Variants in SORCS3 observed in about 807,000 individuals in gnomAD.
SORCS3 encodes VPS10 domain-containing receptor SorCS3.
SORCS3 carries 57 observed loss-of-function variants against 146.3 expected under a neutral mutation model. The observed-to-expected ratio is 0.39, with a 90% CI of 0.31 to 0.49. The LOEUF (loss-of-function observed/expected upper bound fraction) is 0.49. Ranked by LOEUF, SORCS3 falls within the 20% of genes least tolerant of loss-of-function variation. The pLI is 0.92. For synonymous variants in SORCS3, 653 were observed against 618.5 expected (o/e 1.06, Z -0.83); for missense variants, 1,341 against 1,575.5 (o/e 0.85, Z 2.52).
At chr10:105,211,718 C>T (rs1235594955) in intron 17 of SORCS3, among the ~76,000 whole-genome samples, 1 of 152,180 alleles carries the variant, frequency 6.6e-6, no homozygotes, top group African/African-American at 2.4e-5. Context: ...CAGGAATTCT[C>T]AAATGACGTG....
chr10:104,907,361 T>A (rs2133594246), intron 2 of SORCS3, among the ~76,000 whole-genome samples: 1 of 152,296 alleles, frequency 6.6e-6, no homozygotes, highest in Non-Finnish European at 1.5e-5. Flanking sequence ...TTTTAAAACC[T>A]AAATATAACA....
chr10:105,112,580 T>G (rs4619080), intron 7 of SORCS3, among the ~76,000 whole-genome samples: 29,268 of 152,014 alleles, frequency 0.19, 3,026 homozygotes, highest in Admixed American at 0.24. Context: ...AGGAGGTGGT[T>G]TTCTACCTGT....
intron 1 of SORCS3, among the ~76,000 whole-genome samples, chr10:104,708,164 A>G (rs1305611742): frequency 6.6e-6 from 1 of 152,198 alleles, no homozygotes; most frequent in Non-Finnish European, 1.5e-5. Flanking sequence ...TCAAATGGAA[A>G]TATCTCTCCC....
chr10:105,071,618 A>C (rs115939321), intron 5 of SORCS3, among the ~76,000 whole-genome samples: 105 of 152,356 alleles, frequency 6.9e-4, no homozygotes, highest in African/African-American at 2.5e-3. Flanking sequence ...AAATAAGCAC[A>C]TTATAGAGAA....
intron 16 of SORCS3, among the ~76,000 whole-genome samples, chr10:105,202,104 T>C (rs2056578122): frequency 6.6e-6 from 1 of 152,152 alleles, no homozygotes; most frequent in Non-Finnish European, 1.5e-5. Context: ...GGAATCGAAC[T>C]CTCTCCACAT....
intron 1 of SORCS3, among the ~76,000 whole-genome samples, chr10:104,794,622 G>GGAGGGAGAGAGAGAGAGAGA (rs1481811209): frequency 0.03 from 1,225 of 41,178 alleles, 16 homozygotes; most frequent in Non-Finnish European, 0.039. Context: ...AGAGAGGGAG[G>GGAGGGAGAGAGAGAGAGAGA]GAGAGAGAGA....
At chr10:104,956,873 G>T (rs543177653) in intron 3 of SORCS3, among the ~76,000 whole-genome samples, 1 of 152,086 alleles carries the variant, frequency 6.6e-6, no homozygotes. Flanking sequence ...GTGTAATTTT[G>T]TTACCCCCAC....
At chr10:105,178,694 A>T (rs1470357687) in intron 14 of SORCS3, among the ~76,000 whole-genome samples, 1 of 152,144 alleles carries the variant, frequency 6.6e-6, no homozygotes, top group African/African-American at 2.4e-5. Flanking sequence ...CTCTTTTATA[A>T]TGAGATTTAA....
chr10:104,915,237 A>G (rs60551150), intron 2 of SORCS3, among the ~76,000 whole-genome samples: 49,109 of 151,796 alleles, frequency 0.32, 9,490 homozygotes, highest in African/African-American at 0.54. Flanking sequence ...TAGGCTTTTC[A>G]CCCTGGACAC....
At chr10:104,873,712 G>A (rs76087767) in intron 2 of SORCS3, among the ~76,000 whole-genome samples, 2,073 of 152,126 alleles carry the variant, frequency 0.014, 46 homozygotes, top group African/African-American at 0.047. Context: ...TATGCAACTA[G>A]CCCTTGGCCT....
At chr10:104,884,272 C>G (rs1429904021) in intron 2 of SORCS3, among the ~76,000 whole-genome samples, 2 of 152,194 alleles carry the variant, frequency 1.3e-5, no homozygotes, top group Non-Finnish European at 2.9e-5. Flanking sequence ...TTTTGTCACT[C>G]AGTTCACTCA....
In SORCS3 at chr10:105,133,463, G is replaced by C. The variant is rs374984242; in HGVS notation, c.1213-5934G>C. ...TTTATAAGGGTTCAGATGTAGGCGA[G>C]GGTTAGAAAGCCCAGGTTTATATTC... On this transcript the variant is annotated intron_variant, in intron 7 of 26. Transcript: ENST00000369701. 4.6e-5 allele frequency among the ~76,000 whole-genome samples: 7 copies of C among 152,296 alleles called. No homozygotes were observed. In the South Asian group the frequency reaches 1.0e-3, roughly 23 times the overall value.
chr10:105,249,442 A>G (rs1186229820), intron 22 of SORCS3, among the ~76,000 whole-genome samples: 1 of 152,226 alleles, frequency 6.6e-6, no homozygotes, highest in Non-Finnish European at 1.5e-5. Context: ...CAGAGGAGAA[A>G]GATCCAGGAA....
rs748818828 is a variant in SORCS3, at chr10:105,147,788, T to C, written c.1474T>C (p.Leu492=). 5.0e-6 allele frequency: 8 copies of C among 1,610,772 alleles called. No homozygotes were observed. In the South Asian group the frequency reaches 7.7e-5, roughly 16 times the overall value. Residue 492 remains leucine, a synonymous_variant, in exon 9 of 27, where the codon TTG becomes CTG. Transcript: ENST00000369701. ...RGLMGNIIIE[L]YEVAGIKGIF... ...TCTAATGGGGAACATCATTATTGAA[T>C]TGTATGAGGTATGTAGCCAAAATTC...
At chr10:105,130,823 C>T (rs532613114) in intron 7 of SORCS3, among the ~76,000 whole-genome samples, 1 of 152,210 alleles carries the variant, frequency 6.6e-6, no homozygotes, top group Admixed American at 6.6e-5. Flanking sequence ...TGAGCAAACA[C>T]CAGTTAGACA....
At chr10:104,974,980 T>A (rs1390500708) in intron 3 of SORCS3, among the ~76,000 whole-genome samples, 2 of 152,158 alleles carry the variant, frequency 1.3e-5, no homozygotes, top group Admixed American at 1.3e-4. Flanking sequence ...GATATGAAAA[T>A]CTGGGTTGAA....
chr10:104,713,816 G>A (rs1300167152), intron 1 of SORCS3, among the ~76,000 whole-genome samples: 3 of 152,218 alleles, frequency 2.0e-5, no homozygotes, highest in Non-Finnish European at 4.4e-5. Flanking sequence ...TTCTAGAAGA[G>A]ATTGTAGAAA....
intron 1 of SORCS3, among the ~76,000 whole-genome samples, chr10:104,710,879 A>C (rs1324018890): frequency 2.0e-5 from 3 of 152,210 alleles, no homozygotes; most frequent in African/African-American, 4.8e-5. Context: ...AGGGGACAGT[A>C]ACATGGATTT....
At chr10:104,687,562 G>T (rs1319647273) in intron 1 of SORCS3, among the ~76,000 whole-genome samples, 1 of 152,158 alleles carries the variant, frequency 6.6e-6, no homozygotes, top group African/African-American at 2.4e-5. Context: ...TGCACTGGGG[G>T]TAGGGGTAGG....
Sources: gnomAD v4.1 joint callset for allele counts (sites outside exome capture counted in the v4.1 genomes callset) on GRCh38, gnomAD v4.1.1 for gene constraint, MANE v1.5 for transcripts, NCBI Gene and HGNC (gene_info 2026-07-23, HGNC 2026-07-21) for gene names.